Variants in MON2 observed in about 807,000 individuals in gnomAD.
MON2 encodes MON2 regulator of endosome-to-Golgi trafficking.
MON2 carries 84 observed loss-of-function variants against 208.6 expected under a neutral mutation model. The observed-to-expected ratio is 0.40, with a 90% CI of 0.34 to 0.48. The LOEUF is 0.48. MON2 is among the 20% of genes least tolerant of loss of function. The pLI is 0.59. For synonymous variants in MON2, 660 were observed against 694.0 expected (o/e 0.95, Z 0.77); for missense variants, 1,611 against 2,015.4 (o/e 0.80, Z 3.84).
rs1022195134 is a variant in MON2, at chr12:62,597,818, C to T, written c.*5069C>T. ...CTGTAATCCCAGCACTTTGGGAAGC[C>T]AAGGTGGGAGTATCACTTGAGGCCA... is the stretch of plus-strand genomic sequence containing the variant. On this transcript the variant is annotated 3_prime_UTR_variant, in exon 35 of 35. Coordinates refer to ENST00000393630, the MANE Select transcript of MON2 (RefSeq NM_015026.3). 6 of 152,052 alleles carry T rather than the reference C, an allele frequency of 3.9e-5. No individual in the cohort carries two copies. Among genetic ancestry groups the T allele is most frequent in the African/African-American group, 1.4e-4 (6 of 41,398 alleles). 9.4% of individuals were successfully genotyped at this position (152,052 alleles called of 1,614,324 possible). A position where few individuals can be genotyped will look rare whatever the true frequency, so the allele number is the denominator to read the frequency against.
chr12:62,573,664 G>GT (rs900031733), intron 30 of MON2, among the ~76,000 whole-genome samples: 37 of 149,824 alleles, frequency 2.5e-4, no homozygotes, highest in East Asian at 1.8e-3. Context: ...AAATTTGGAG[G>GT]TTTTTTTTTG....
intron 21 of MON2, 39 bp downstream of exon 21, chr12:62,545,047 T>A: frequency 7.6e-7 from 1 of 1,319,176 alleles, no homozygotes; most frequent in Non-Finnish European, 1.0e-6. Context: ...ATACTCAATA[T>A]AAAATTATCC....
At chr12:62,530,794 A>G (rs756274655) in intron 11 of MON2, among the ~76,000 whole-genome samples, 1 of 152,156 alleles carries the variant, frequency 6.6e-6, no homozygotes, top group South Asian at 2.1e-4. Flanking sequence ...CTATGTTTAC[A>G]TTTTTGAGGA....
At chr12:62,560,451 G>T in intron 25 of MON2, 40 bp from the exon 26 acceptor site, 1 of 1,530,908 alleles carries the variant, frequency 6.5e-7, no homozygotes. Flanking sequence ...AAATTTGATC[G>T]CTTTTATGAT....
intron 7 of MON2, among the ~76,000 whole-genome samples, chr12:62,505,528 T>C (rs1297872364): frequency 1.3e-5 from 2 of 151,856 alleles, no homozygotes; most frequent in Non-Finnish European, 2.9e-5. Context: ...TGTGACATAA[T>C]AAAAGGCAAA....
intron 5 of MON2, among the ~76,000 whole-genome samples, chr12:62,499,551 CAT>C (rs1383945243): frequency 6.6e-6 from 1 of 152,044 alleles, no homozygotes; most frequent in Non-Finnish European, 1.5e-5. Context: ...TATCTGCTAA[CAT>C]GTGTTAAGAA....
At position 62,600,277 on chromosome 12, in the gene MON2, A is replaced by G. The variant is rs1451386661; in HGVS notation, c.*7528A>G. 1 of 152,236 alleles carries G rather than the reference A, an allele frequency of 6.6e-6. No homozygotes were observed. Among genetic ancestry groups the G allele is most frequent in the East Asian group, 1.9e-4 (1 of 5,192 alleles). 9.4% of individuals were successfully genotyped at this position (152,236 alleles called of 1,614,324 possible). ...GGCCAGAAAATCCATGTCTTCCCACAATAGGGACCAATTTTTTGCCTTTCA... is the reference window on the plus strand; with the variant it reads ...GGCCAGAAAATCCATGTCTTCCCACGATAGGGACCAATTTTTTGCCTTTCA... On this transcript the variant is annotated 3_prime_UTR_variant, in exon 35 of 35. Coordinates refer to ENST00000393630, the MANE Select transcript of MON2 (RefSeq NM_015026.3).
At chr12:62,525,917 G>A (rs751018778) in intron 10 of MON2, 32 bp from the exon 11 acceptor site, 1 of 1,600,682 alleles carries the variant, frequency 6.2e-7, no homozygotes, top group Non-Finnish European at 8.5e-7. Flanking sequence ...GTAAATTAGT[G>A]TCTTTTCTTT....
chr12:62,477,926 T>A (rs957471599), intron 1 of MON2, among the ~76,000 whole-genome samples: 1 of 152,320 alleles, frequency 6.6e-6, no homozygotes, highest in South Asian at 2.1e-4. Flanking sequence ...CAAGGTTGGA[T>A]GTAGCCTGAG....
At chr12:62,506,333 A>T (rs1438112635) in intron 7 of MON2, among the ~76,000 whole-genome samples, 1 of 152,238 alleles carries the variant, frequency 6.6e-6, no homozygotes, top group East Asian at 1.9e-4. Context: ...TACATGCAGA[A>T]GTAACAATGA....
intron 8 of MON2, among the ~76,000 whole-genome samples, chr12:62,520,081 T>C (rs1460115440): frequency 6.6e-6 from 1 of 152,228 alleles, no homozygotes; most frequent in Non-Finnish European, 1.5e-5. Context: ...TCCCAAAGTG[T>C]TGGAATTACT....
chr12:62,519,641 G>T (rs1012841121), intron 8 of MON2, among the ~76,000 whole-genome samples: 10 of 152,134 alleles, frequency 6.6e-5, no homozygotes, highest in Non-Finnish European at 1.2e-4. Context: ...GGAGACAGCT[G>T]GATTCTCATA....
intron 20 of MON2, among the ~76,000 whole-genome samples, chr12:62,543,654 C>G (rs1424002369): frequency 2.6e-5 from 4 of 151,944 alleles, no homozygotes; most frequent in African/African-American, 9.7e-5. Context: ...GTCACCCAGG[C>G]TGGAGTGCAG....
chr12:62,588,915 A>C, intron 34 of MON2: 1 of 1,445,754 alleles, frequency 6.9e-7, no homozygotes, highest in Non-Finnish European at 9.3e-7. Context: ...AATCTCTTAA[A>C]GGTAAATAAT....
intron 5 of MON2, among the ~76,000 whole-genome samples, chr12:62,499,287 T>A (rs993555200): frequency 1.3e-5 from 2 of 152,200 alleles, no homozygotes; most frequent in African/African-American, 4.8e-5. Context: ...AAGTATTGCA[T>A]TATATGTATT....
intron 11 of MON2, among the ~76,000 whole-genome samples, chr12:62,530,905 A>C (rs1279700359): frequency 6.6e-6 from 1 of 152,176 alleles, no homozygotes; most frequent in Non-Finnish European, 1.5e-5. Context: ...AATGCTTGTT[A>C]ATCTTTTTTA....
chr12:62,587,939 C>A, intron 33 of MON2, 135 bp from the exon 34 acceptor site: 1 of 552,418 alleles, frequency 1.8e-6, no homozygotes, highest in Non-Finnish European at 3.2e-6. Context: ...GAATTTAAAA[C>A]TAACATTAAC....
In MON2 at chr12:62,596,541, G is replaced by A. The variant is rs2075530146; in HGVS notation, c.*3792G>A. On this transcript the variant is annotated 3_prime_UTR_variant, in exon 35 of 35. Transcript: ENST00000393630. ...TTAGGTTTGGCATTTTGGCAGATAA[G>A]CTAATCTTGTATAAAGCATCACATT... The A allele has an allele frequency of 6.6e-6, 1 of 152,180 alleles. No individual in the cohort carries two copies. The highest frequency in any genetic ancestry group is 2.4e-5 in the African/African-American group (1 of 41,448). 9.4% of individuals were successfully genotyped at this position (152,180 alleles called of 1,614,324 possible). A position where few individuals can be genotyped will look rare whatever the true frequency, so the allele number is the denominator to read the frequency against.
At chr12:62,565,570 C>T (rs911346289) in intron 27 of MON2, among the ~76,000 whole-genome samples, 190 bp downstream of exon 27, 2 of 152,078 alleles carry the variant, frequency 1.3e-5, no homozygotes, top group African/African-American at 4.8e-5. Flanking sequence ...TGTTCTTTTT[C>T]TCCTCATTTA....
Sources: allele counts gnomAD v4.1 joint callset (sites outside exome capture counted in the v4.1 genomes callset), GRCh38; gene constraint gnomAD v4.1.1; transcripts MANE v1.5; gene names NCBI Gene and HGNC (gene_info 2026-07-23, HGNC 2026-07-21).